The following CCDC88A variants were observed in gnomAD, a reference collection of about 807,000 sequenced individuals.
The protein encoded by CCDC88A is girdin.
A neutral mutation model predicts 234.3 loss-of-function variants in CCDC88A; 54 were observed. That is an observed-to-expected ratio of 0.23 (90% CI 0.19 to 0.29). The LOEUF (loss-of-function observed/expected upper bound fraction) is 0.29, where lower values mean the gene tolerates loss of function less well. Ranked by LOEUF, CCDC88A falls within the 10% of genes least tolerant of loss-of-function variation. The pLI is 1.00. For synonymous variants in CCDC88A, 753 were observed against 737.8 expected, an observed-to-expected ratio of 1.02 and a Z score of -0.33; for missense variants, 1,832 against 2,123.4, an observed-to-expected ratio of 0.86 and a Z score of 2.70.
At chr2:55,413,090 C>T (rs1482167666) in intron 2 of CCDC88A, among the ~76,000 whole-genome samples, 3 of 152,088 alleles carry the variant, frequency 2.0e-5, no homozygotes, top group South Asian at 4.2e-4. Flanking sequence ...TGCCTGCAGT[C>T]CCAGCTGCTT....
intron 13 of CCDC88A, 36 bp downstream of exon 13, chr2:55,339,424 GTTTT>G: frequency 7.3e-7 from 1 of 1,379,088 alleles, no homozygotes; most frequent in East Asian, 2.4e-5. Flanking sequence ...ACTTTTACAA[GTTTT>G]TTTAACATTA....
At position 55,342,145 on chromosome 2, in the gene CCDC88A, G is replaced by C. The variant is rs372624626; in HGVS notation, c.1333+1503C>G. 2.6e-5 allele frequency among the ~76,000 whole-genome samples: 4 copies of C among 152,078 alleles called. No homozygotes were observed. In the South Asian group the frequency reaches 8.3e-4, roughly 32 times the overall value. On this transcript the variant is annotated intron_variant, in intron 12 of 32. Coordinates refer to ENST00000436346, the MANE Select transcript of CCDC88A (RefSeq NM_001365480.1). The stretch of plus-strand genomic sequence containing the variant: ...TAGTTTTAACTTTCCTAAGATACGT[G>C]GGTTAGAAAATGAGATAGAAAAGTT...
intron 3 of CCDC88A, among the ~76,000 whole-genome samples, chr2:55,387,041 G>A (rs1675761767): frequency 6.6e-6 from 1 of 151,458 alleles, no homozygotes; most frequent in Admixed American, 6.6e-5. Flanking sequence ...GCCGGGTGTG[G>A]TAGTGGGCAC....
At chr2:55,401,468 A>G (rs1316360427) in intron 2 of CCDC88A, among the ~76,000 whole-genome samples, 477 of 12,736 alleles carry the variant, frequency 0.037, 123 homozygotes, top group Admixed American at 0.064. Context: ...ATATATATAC[A>G]TATGTGTGTG....
At chr2:55,390,407 G>C (rs931776436) in intron 2 of CCDC88A, among the ~76,000 whole-genome samples, 27 of 152,122 alleles carry the variant, frequency 1.8e-4, no homozygotes, top group Non-Finnish European at 1.5e-5. Context: ...CCAATAACTT[G>C]ATTCTTTTGT....
chr2:55,383,948 G>T (rs1675036171), intron 3 of CCDC88A, among the ~76,000 whole-genome samples: 1 of 152,100 alleles, frequency 6.6e-6, no homozygotes. Flanking sequence ...ATTGGTTGGT[G>T]CGAAAGTAAT....
intron 17 of CCDC88A, chr2:55,324,080 T>C (rs1463759426): frequency 6.6e-6 from 1 of 152,226 alleles, no homozygotes; most frequent in Non-Finnish European, 1.5e-5. Flanking sequence ...TTATGTATCA[T>C]TAATCAAAAT....
chr2:55,293,324 T>A (rs891403512), intron 31 of CCDC88A, among the ~76,000 whole-genome samples: 1 of 152,164 alleles, frequency 6.6e-6, no homozygotes, highest in Non-Finnish European at 1.5e-5. Flanking sequence ...GTTTTGTTAC[T>A]GGCCTATGAA....
At chr2:55,319,994 T>G (rs1045161378) in intron 18 of CCDC88A, among the ~76,000 whole-genome samples, 1 of 152,156 alleles carries the variant, frequency 6.6e-6, no homozygotes, top group Non-Finnish European at 1.5e-5. Flanking sequence ...TTATATACAC[T>G]GCATGTCACT....
At chr2:55,292,771 G>C (rs983767263) in intron 31 of CCDC88A, 1 of 152,332 alleles carries the variant, frequency 6.6e-6, no homozygotes, top group Non-Finnish European at 1.5e-5. Flanking sequence ...TGAGGCAGGA[G>C]AATTGCCTGA....
rs1351711959 is a variant in CCDC88A, at chr2:55,334,047, T to C, written c.2727+47A>G. ...AATAAAACTTAAAGAAACCTTGAGT[T>C]AAAAATATAAAAAAAAATTTGCCTT... On this transcript the variant is annotated intron_variant, in intron 15 of 32. Transcript: ENST00000436346. The surrounding 1 kb of genome is among the most constrained non-coding windows in gnomAD (Gnocchi z 6.1). 4.4e-6 allele frequency: 3 copies of C among 682,800 alleles called. No homozygotes were observed. In the South Asian group the frequency reaches 1.9e-4, roughly 43 times the overall value. The allele number at this position is 682,800 out of a possible 1,614,324, so 42.3% of individuals were successfully genotyped here.
chr2:55,299,091 C>T (rs1680567538), intron 29 of CCDC88A, among the ~76,000 whole-genome samples: 1 of 151,926 alleles, frequency 6.6e-6, no homozygotes, highest in South Asian at 2.1e-4. Flanking sequence ...GCCGTTCCAG[C>T]TACTTGGGAG....
At chr2:55,407,046 C>G (rs946553337) in intron 2 of CCDC88A, among the ~76,000 whole-genome samples, 5 of 151,842 alleles carry the variant, frequency 3.3e-5, no homozygotes, top group African/African-American at 1.2e-4. Context: ...GACCCCATCT[C>G]TACAAAAAAA....
chr2:55,390,117 C>T (rs1482854069), intron 2 of CCDC88A, among the ~76,000 whole-genome samples: 5 of 51,398 alleles, frequency 9.7e-5, no homozygotes, highest in South Asian at 1.0e-3. Context: ...ATAATAAACC[C>T]ACTACAGGCT....
chr2:55,317,232 G>A lies in CCDC88A; in HGVS notation c.3720C>T (p.Tyr1240=). The A allele has an allele frequency of 6.6e-7, 1 of 1,524,322 alleles. No homozygotes were observed. The highest frequency in any genetic ancestry group is 2.3e-5 in the East Asian group (1 of 43,010). 94.4% of individuals were successfully genotyped at this position (1,524,322 alleles called of 1,614,324 possible). ...TATCATTTTCACCACAAAGTTTCTT[G>A]TATTCTGCAGCTACTGTTTCATGAT... ...NKNHETVAAE[Y]KKLCGENDRL... Residue 1240 remains tyrosine (Y), a synonymous_variant, in exon 21 of 33, where the codon TAC becomes TAT. Transcript: ENST00000436346. This position sits in a 1 kb window ranked among gnomAD's most constrained non-coding sequence, Gnocchi z 4.2.
intron 3 of CCDC88A, among the ~76,000 whole-genome samples, chr2:55,376,312 T>A (rs532823185): frequency 5.9e-5 from 9 of 152,352 alleles, no homozygotes; most frequent in Admixed American, 1.3e-4. Context: ...TGTTCAGATA[T>A]AACTAGTTGC....
In CCDC88A at chr2:55,301,187, A is replaced by G. The variant is rs755142353; in HGVS notation, c.4744+19T>C. ...TCTGTATTTAATGTGTACTCTCTAA[A>G]TAAGGTTCATTATCTTACCATGAAC... On this transcript the variant is annotated intron_variant, in intron 28 of 32. Transcript: ENST00000436346. The G allele has an allele frequency of 1.0e-5, 15 of 1,459,234 alleles. No homozygotes were observed. The Admixed American group carries it at 2.6e-4, about 25-fold the overall frequency. 90.4% of individuals were successfully genotyped at this position (1,459,234 alleles called of 1,614,324 possible). A position where few individuals can be genotyped will look rare whatever the true frequency, so the allele number is the denominator to read the frequency against.
Position 55,317,132 on chromosome 2 carries a change from A to C in CCDC88A, c.3746+74T>G. Reference sequence around the variant, plus strand: ...AAGAAATAATACATAATTTTGAAAAAACATATATATACACATATATATGTA... The same window carrying C: ...AAGAAATAATACATAATTTTGAAAACACATATATATACACATATATATGTA... On this transcript the variant is annotated intron_variant, in intron 21 of 32. Transcript: ENST00000436346. This position sits in a 1 kb window ranked among gnomAD's most constrained non-coding sequence, Gnocchi z 4.2. The C allele has an allele frequency of 1.8e-6, 1 of 569,362 alleles. No homozygotes were observed. 35.3% of individuals were successfully genotyped at this position (569,362 alleles called of 1,614,324 possible).
intron 3 of CCDC88A, among the ~76,000 whole-genome samples, chr2:55,375,515 AT>A (rs1673529612): frequency 7.5e-5 from 1 of 13,252 alleles, no homozygotes; most frequent in African/African-American, 1.9e-4. Flanking sequence ...ATATATATGT[AT>A]GTATGTATAA....
Sources: gnomAD v4.1 joint callset for allele counts (sites outside exome capture counted in the v4.1 genomes callset) on GRCh38, gnomAD v4.1.1 for gene constraint, Gnocchi (gnomAD v3.1) non-coding constraint, MANE v1.5 for transcripts, NCBI Gene and HGNC (gene_info 2026-07-23, HGNC 2026-07-21) for gene names.